CDKAL1: variants seen among roughly 807,000 people sequenced by gnomAD.
The protein encoded by CDKAL1 is CDKAL1 threonylcarbamoyladenosine tRNA methylthiotransferase.
CDKAL1 carries 32 observed loss-of-function variants against 68.2 expected under a neutral mutation model. That is an observed-to-expected ratio of 0.47 (90% CI 0.35 to 0.63). The LOEUF (loss-of-function observed/expected upper bound fraction) is 0.63, where lower values mean the gene tolerates loss of function less well. Ranked by LOEUF, CDKAL1 falls within the 30% of genes least tolerant of loss-of-function variation. The pLI, the probability that CDKAL1 is intolerant of heterozygous loss-of-function variation, is 0.00. For missense variants in CDKAL1, 606 were observed against 696.7 expected (o/e 0.87, Z 1.47); for synonymous variants, 234 against 244.3 (o/e 0.96, Z 0.39).
At chr6:20,999,669 A>AAAG (rs1767318276) in intron 10 of CDKAL1, among the ~76,000 whole-genome samples, 1 of 143,692 alleles carries the variant, frequency 7.0e-6, no homozygotes, top group Non-Finnish European at 1.5e-5. Flanking sequence ...AAATTAAAAA[A>AAAG]AAAAAAAAAA....
chr6:21,169,369 T>G (rs957489523), intron 13 of CDKAL1, among the ~76,000 whole-genome samples: 4 of 152,232 alleles, frequency 2.6e-5, no homozygotes, highest in African/African-American at 9.6e-5. Flanking sequence ...ACACAGTGGC[T>G]TATGCTTATA....
intron 12 of CDKAL1, among the ~76,000 whole-genome samples, chr6:21,097,111 G>C (rs1359882179): frequency 1.3e-5 from 2 of 152,122 alleles, no homozygotes; most frequent in Non-Finnish European, 1.5e-5. Context: ...TATTCAAAGG[G>C]GCAGGGAGGA....
rs201357 is a variant in CDKAL1, at chr6:20,979,350, C to A, written c.910-20877C>A. On this transcript the variant is annotated intron_variant, in intron 10 of 15. Transcript: ENST00000274695. ...TTGCCTGATAGAGACACAAAACACT[C>A]TAAATGAGAACAGGAAATAAATAAT... 4.2e-4 allele frequency among the ~76,000 whole-genome samples: 64 copies of A among 152,118 alleles called. 1 individual carries two copies. The East Asian group carries it at 0.011, about 26-fold the overall frequency.
chr6:21,217,567 G>A (rs1028196681), intron 15 of CDKAL1, among the ~76,000 whole-genome samples: 6 of 151,398 alleles, frequency 4.0e-5, no homozygotes, highest in East Asian at 3.9e-4. Flanking sequence ...ACACGATCTC[G>A]GCTCACTGCA....
At chr6:20,772,372 AC>A in intron 7 of CDKAL1, among the ~76,000 whole-genome samples, 1 of 152,200 alleles carries the variant, frequency 6.6e-6, no homozygotes. Context: ...GACTGCTTTG[AC>A]TTTTAACTGT....
At chr6:20,631,075 T>C (rs1251792406) in intron 4 of CDKAL1, among the ~76,000 whole-genome samples, 1 of 152,186 alleles carries the variant, frequency 6.6e-6, no homozygotes, top group Non-Finnish European at 1.5e-5. Context: ...AAGGTCGGCA[T>C]GGTTTTGTTT....
At chr6:20,758,490 T>C (rs1774326630) in intron 6 of CDKAL1, 105 bp from the exon 7 acceptor site, 9 of 825,966 alleles carry the variant, frequency 1.1e-5, no homozygotes, top group South Asian at 7.1e-5. Context: ...GAAACCTGCA[T>C]TGATGTGCTT....
At chr6:20,589,766 A>T (rs1448821853) in intron 4 of CDKAL1, among the ~76,000 whole-genome samples, 1 of 152,032 alleles carries the variant, frequency 6.6e-6, no homozygotes, top group Non-Finnish European at 1.5e-5. Context: ...AGTTTTTCTC[A>T]TATTCAGTGA....
At chr6:20,598,781 C>T (rs1765952818) in intron 4 of CDKAL1, among the ~76,000 whole-genome samples, 1 of 152,034 alleles carries the variant, frequency 6.6e-6, no homozygotes, top group Non-Finnish European at 1.5e-5. Flanking sequence ...ATTTATTTTT[C>T]ATATGCTTAA....
chr6:20,569,390 G>A (rs1353682502), intron 4 of CDKAL1, among the ~76,000 whole-genome samples: 1 of 152,178 alleles, frequency 6.6e-6, no homozygotes, highest in Non-Finnish European at 1.5e-5. Context: ...TGTTCTTACT[G>A]GTGATTCCTT....
chr6:20,674,130 ATCAT>A (rs1372862815), intron 5 of CDKAL1, among the ~76,000 whole-genome samples: 1 of 152,002 alleles, frequency 6.6e-6, no homozygotes, highest in African/African-American at 2.4e-5. Flanking sequence ...GTTAATTTTT[ATCAT>A]TCATTTTTTT....
intron 15 of CDKAL1, among the ~76,000 whole-genome samples, chr6:21,222,458 TG>T (rs1264230069): frequency 6.6e-6 from 1 of 152,228 alleles, no homozygotes; most frequent in Non-Finnish European, 1.5e-5. Flanking sequence ...AACTTCAATT[TG>T]TTGATCCTGT....
intron 5 of CDKAL1, among the ~76,000 whole-genome samples, chr6:20,693,256 C>T (rs1438419517): frequency 6.6e-6 from 1 of 151,820 alleles, no homozygotes; most frequent in East Asian, 1.9e-4. Context: ...TTTTTTCTTC[C>T]ATCTTTGTTT....
At chr6:20,890,483 G>T (rs10946417) in intron 9 of CDKAL1, among the ~76,000 whole-genome samples, 16,393 of 152,196 alleles carry the variant, frequency 0.11, 967 homozygotes, top group African/African-American at 0.14. Flanking sequence ...TGTATTTTCA[G>T]AAAAGAAAAA....
intron 11 of CDKAL1, among the ~76,000 whole-genome samples, chr6:21,004,023 A>C (rs1227102385): frequency 2.0e-5 from 3 of 152,098 alleles, no homozygotes; most frequent in African/African-American, 4.8e-5. Flanking sequence ...TTTCTCCAGC[A>C]GTGTGAGGCT....
intron 9 of CDKAL1, among the ~76,000 whole-genome samples, chr6:20,908,923 A>G (rs1045667319): frequency 4.6e-5 from 7 of 152,188 alleles, no homozygotes; most frequent in Non-Finnish European, 7.3e-5. Flanking sequence ...TTTGAACCCT[A>G]GAAGTTGCAT....
chr6:20,662,696 A>G (rs71563971), intron 5 of CDKAL1, among the ~76,000 whole-genome samples: 4,639 of 152,256 alleles, frequency 0.03, 106 homozygotes, highest in Middle Eastern at 0.071. Context: ...GTGATAGTTG[A>G]ACAAATGAAT....
At chr6:21,223,727 C>T (rs1370120374) in intron 15 of CDKAL1, among the ~76,000 whole-genome samples, 1 of 152,192 alleles carries the variant, frequency 6.6e-6, no homozygotes, top group African/African-American at 2.4e-5. Flanking sequence ...AACTGATCAT[C>T]TCTTGGGTGC....
At chr6:20,986,760 G>A (rs1766483663) in intron 10 of CDKAL1, among the ~76,000 whole-genome samples, 1 of 152,092 alleles carries the variant, frequency 6.6e-6, no homozygotes, top group Admixed American at 6.6e-5. Context: ...AGAAAAGCCA[G>A]AAGAACTGAT....
Sources: allele counts gnomAD v4.1 joint callset (sites outside exome capture counted in the v4.1 genomes callset), GRCh38; gene constraint gnomAD v4.1.1; transcripts MANE v1.5; gene names NCBI Gene and HGNC (gene_info 2026-07-23, HGNC 2026-07-21).